The following LIN52 variants were observed in gnomAD, a reference collection of about 807,000 sequenced individuals.
LIN52 encodes protein lin-52 homolog.
In LIN52, 4 loss-of-function variants were observed where a neutral mutation model predicts 18.5. The ratio of observed to expected loss-of-function variants is 0.22; its 90% CI spans 0.11 to 0.49. The LOEUF is 0.49. LIN52 is among the 20% of genes least tolerant of loss of function. The pLI is 0.97. For missense variants in LIN52, 102 were observed against 139.5 expected, an observed-to-expected ratio of 0.73 and a Z score of 1.35; for synonymous variants, 34 against 45.5, an observed-to-expected ratio of 0.75 and a Z score of 1.02.
At chr14:74,134,421 T>C (rs1241418444) in intron 5 of LIN52, among the ~76,000 whole-genome samples, 1 of 152,162 alleles carries the variant, frequency 6.6e-6, no homozygotes, top group Middle Eastern at 3.2e-3. Flanking sequence ...TTGGCCTCTC[T>C]TGTTTGTTTG....
Position 74,149,566 on chromosome 14 carries a change from TA to T in LIN52, c.283+48329del, listed in dbSNP as rs540163963. Among the ~76,000 whole-genome samples the T allele has an allele frequency of 3.3e-5, 5 of 152,280 alleles. No individual in the cohort carries two copies. The South Asian group carries it at 1.0e-3, about 32-fold the overall frequency. On this transcript the variant is annotated intron_variant, in intron 5 of 5. Transcript: ENST00000555028. Reference sequence around the variant, plus strand: ...GAAATCTTTGGGGAGGGGTTGCCATTATAGTAATTCCGATTCAATTCCAGCA... The same window carrying T: ...GAAATCTTTGGGGAGGGGTTGCCATTTAGTAATTCCGATTCAATTCCAGCA...
At chr14:74,175,532 A>C (rs913033852) in intron 5 of LIN52, among the ~76,000 whole-genome samples, 2 of 151,818 alleles carry the variant, frequency 1.3e-5, no homozygotes, top group African/African-American at 4.8e-5. Flanking sequence ...GTCTCTACAA[A>C]AAAAAAAAAT....
chr14:74,140,727 A>G (rs866858217), intron 5 of LIN52, among the ~76,000 whole-genome samples: 1 of 152,224 alleles, frequency 6.6e-6, no homozygotes, highest in African/African-American at 2.4e-5. Context: ...TTGTTTTACA[A>G]GAAGAGGCTG....
chr14:74,122,904 A>G lies in LIN52; in HGVS notation c.283+21666A>G, dbSNP rs1204705408. Among the ~76,000 whole-genome samples, 8 of 147,466 alleles carry G rather than the reference A, an allele frequency of 5.4e-5. No individual in the cohort carries two copies. The East Asian group carries it at 1.6e-3, about 30-fold the overall frequency. ...ACAAACAAACAAAAACAAAAACAAA[A>G]ACCAGTTTTGACCTAGTGGACCCCC... On this transcript the variant is annotated intron_variant, in intron 5 of 5. Transcript: ENST00000555028.
At chr14:74,166,074 G>C (rs566523385) in intron 5 of LIN52, among the ~76,000 whole-genome samples, 1 of 149,898 alleles carries the variant, frequency 6.7e-6, no homozygotes, top group African/African-American at 2.5e-5. Context: ...TATTTTTACT[G>C]GAGACGGGGT....
chr14:74,099,413 A>T (rs1457451263), intron 4 of LIN52, among the ~76,000 whole-genome samples: 1 of 152,228 alleles, frequency 6.6e-6, no homozygotes, highest in Non-Finnish European at 1.5e-5. Context: ...CTAATGTTTC[A>T]AACAGACATT....
At chr14:74,183,029 C>G (rs1486185085) in intron 5 of LIN52, among the ~76,000 whole-genome samples, 1 of 151,526 alleles carries the variant, frequency 6.6e-6, no homozygotes, top group African/African-American at 2.4e-5. Flanking sequence ...GTAATTTGTT[C>G]CTCATCTAAA....
intron 5 of LIN52, among the ~76,000 whole-genome samples, chr14:74,178,342 T>C (rs2061302272): frequency 6.6e-6 from 1 of 152,216 alleles, no homozygotes; most frequent in Non-Finnish European, 1.5e-5. Flanking sequence ...ATTATTCATA[T>C]TGTCTTTTGG....
chr14:74,098,924 G>A (rs2060835295), intron 4 of LIN52, among the ~76,000 whole-genome samples: 1 of 152,016 alleles, frequency 6.6e-6, no homozygotes, highest in African/African-American at 2.4e-5. Context: ...GCCATATATT[G>A]TCAGTACTAT....
chr14:74,173,639 A>G (rs534687312), intron 5 of LIN52, among the ~76,000 whole-genome samples: 40 of 152,360 alleles, frequency 2.6e-4, no homozygotes, highest in Non-Finnish European at 5.3e-4. Flanking sequence ...ACTTCCTAGC[A>G]TGAGTGGTTA....
At position 74,130,278 on chromosome 14, in the gene LIN52, G is replaced by GTTTGTTTTTTTTTTTTTTTTTTT. The variant is rs1555382571; in HGVS notation, c.283+29043_283+29044insGTTTTTTTTTTTTTTTTTTTTTT. Reference sequence around the variant, plus strand: ...GAATTTATTAGATAGGCATTTTTTGGTTTTTTTTTTTTTTTTTTGAGACAG... The same window carrying GTTTGTTTTTTTTTTTTTTTTTTT: ...GAATTTATTAGATAGGCATTTTTTGGTTTGTTTTTTTTTTTTTTTTTTTTTTTTTTTTTTTTTTTTTGAGACAG... On this transcript the variant is annotated intron_variant, in intron 5 of 5. Coordinates refer to ENST00000555028, the MANE Select transcript of LIN52 (RefSeq NM_001024674.3). 1.4e-3 allele frequency among the ~76,000 whole-genome samples: 93 copies of GTTTGTTTTTTTTTTTTTTTTTTT among 64,816 alleles called. 1 individual carries two copies. Among genetic ancestry groups the GTTTGTTTTTTTTTTTTTTTTTTT allele is most frequent in the African/African-American group, 3.3e-3 (53 of 15,878 alleles). The allele number at this position is 64,816 out of a possible 152,430, so 42.5% of individuals were successfully genotyped here. A position where few individuals can be genotyped will look rare whatever the true frequency, so the allele number is the denominator to read the frequency against.
chr14:74,166,799 A>G (rs940767877), intron 5 of LIN52, among the ~76,000 whole-genome samples: 2 of 152,196 alleles, frequency 1.3e-5, no homozygotes, highest in African/African-American at 4.8e-5. Context: ...ATAAAATTCT[A>G]TGCCAATTTT....
At chr14:74,188,816 G>A (rs1271779841) in intron 5 of LIN52, among the ~76,000 whole-genome samples, 2 of 152,150 alleles carry the variant, frequency 1.3e-5, no homozygotes, top group East Asian at 3.9e-4. Context: ...AGCCAGGGGA[G>A]TTTCAGACAT....
At chr14:74,116,465 A>G (rs565270718) in intron 5 of LIN52, among the ~76,000 whole-genome samples, 45 of 152,176 alleles carry the variant, frequency 3.0e-4, no homozygotes, top group Non-Finnish European at 5.4e-4. Context: ...CAGCACTTTG[A>G]GAGGCTGAGG....
At chr14:74,148,061 C>T (rs2061160027) in intron 5 of LIN52, among the ~76,000 whole-genome samples, 1 of 152,000 alleles carries the variant, frequency 6.6e-6, no homozygotes, top group African/African-American at 2.4e-5. Context: ...AAAAAGAAAA[C>T]AAAACCTATC....
intron 5 of LIN52, among the ~76,000 whole-genome samples, chr14:74,175,748 A>ACACACACCCACC (rs796441764): frequency 1.0e-5 from 1 of 98,738 alleles, no homozygotes; most frequent in African/African-American, 3.5e-5. Flanking sequence ...ACACACACAC[A>ACACACACCCACC]CACCCCCATT....
chr14:74,102,870 T>C (rs77660260), intron 5 of LIN52, among the ~76,000 whole-genome samples: 10,369 of 152,308 alleles, frequency 0.068, 548 homozygotes, highest in South Asian at 0.26. Context: ...AAGTATTTTT[T>C]CCTGCTTTTT....
At chr14:74,100,317 T>C (rs959203698) in intron 4 of LIN52, among the ~76,000 whole-genome samples, 4 of 152,162 alleles carry the variant, frequency 2.6e-5, no homozygotes, top group Non-Finnish European at 1.5e-5. Flanking sequence ...TTTTTTTCTT[T>C]TTTTATTTGA....
chr14:74,177,217 C>T (rs974086157), intron 5 of LIN52, among the ~76,000 whole-genome samples: 3 of 152,024 alleles, frequency 2.0e-5, no homozygotes, highest in African/African-American at 4.8e-5. Context: ...AGGCTGGTCT[C>T]GAACTCCTGA....
Sources: gnomAD v4.1 joint callset for allele counts (sites outside exome capture counted in the v4.1 genomes callset) on GRCh38, gnomAD v4.1.1 for gene constraint, MANE v1.5 for transcripts, NCBI Gene and HGNC (gene_info 2026-07-23, HGNC 2026-07-21) for gene names.